Variants in RAD51B observed in about 807,000 individuals in gnomAD.
RAD51B encodes the protein RAD51 paralog B.
RAD51B carries 38 observed loss-of-function variants against 42.2 expected under a neutral mutation model. The observed-to-expected ratio is 0.90, with a 90% CI of 0.70 to 1.18. RAD51B has a LOEUF of 1.18. RAD51B is among the 50% of genes most tolerant of loss of function. The pLI, the probability that RAD51B is intolerant of heterozygous loss-of-function variation, is 0.00. For missense variants in RAD51B, 373 were observed against 400.7 expected, an observed-to-expected ratio of 0.93 and a Z score of 0.59; for synonymous variants, 154 against 145.2, an observed-to-expected ratio of 1.06 and a Z score of -0.43.
chr14:68,371,049 A>AAAG (rs2083248173), intron 8 of RAD51B, among the ~76,000 whole-genome samples: 1 of 114,700 alleles, frequency 8.7e-6, no homozygotes, highest in East Asian at 2.0e-4. Context: ...AAAAAAAAAA[A>AAAG]AAAAAAGAAA....
At chr14:67,844,625 T>TATA (rs201128222) in intron 4 of RAD51B, among the ~76,000 whole-genome samples, 1 of 137,820 alleles carries the variant, frequency 7.3e-6, no homozygotes, top group African/African-American at 3.2e-5. Context: ...TATATATATA[T>TATA]TTTTTTTATT....
At chr14:68,053,118 T>G (rs761131561) in intron 7 of RAD51B, among the ~76,000 whole-genome samples, 1 of 152,222 alleles carries the variant, frequency 6.6e-6, no homozygotes, top group Non-Finnish European at 1.5e-5. Flanking sequence ...TATCTTGATG[T>G]TTAATCGAGC....
chr14:67,997,476 A>C (rs112625515), intron 7 of RAD51B, among the ~76,000 whole-genome samples: 15 of 152,282 alleles, frequency 9.9e-5, no homozygotes, highest in African/African-American at 3.6e-4. Context: ...TCACGTCCTA[A>C]ATTATGACAG....
intron 7 of RAD51B, among the ~76,000 whole-genome samples, chr14:68,011,767 TA>T (rs1246768351): frequency 6.6e-6 from 1 of 152,120 alleles, no homozygotes; most frequent in Non-Finnish European, 1.5e-5. Flanking sequence ...TTAACAGCTG[TA>T]AATTTGCTTG....
intron 10 of RAD51B, chr14:68,563,579 C>G: frequency 1.0e-6 from 1 of 985,460 alleles, no homozygotes; most frequent in Non-Finnish European, 1.2e-6. Context: ...TGTGTGCCTT[C>G]AAGCACCTTC....
intron 1 of RAD51B, among the ~76,000 whole-genome samples, chr14:67,822,727 C>G (rs1369698943): frequency 1.2e-4 from 18 of 151,392 alleles, no homozygotes. Context: ...GTCTCGCTCT[C>G]TCTCTCTCTC....
chr14:68,263,423 G>A (rs2080926401), intron 7 of RAD51B, among the ~76,000 whole-genome samples: 1 of 152,076 alleles, frequency 6.6e-6, no homozygotes, highest in African/African-American at 2.4e-5. Context: ...AGTGCTCCCA[G>A]GACAGACAGT....
chr14:68,292,911 A>G (rs1224881268), intron 8 of RAD51B, among the ~76,000 whole-genome samples: 2 of 152,210 alleles, frequency 1.3e-5, no homozygotes, highest in East Asian at 1.9e-4. Context: ...TCAGGGATAC[A>G]TCATCATAAC....
At chr14:68,335,037 C>T (rs1191044009) in intron 8 of RAD51B, among the ~76,000 whole-genome samples, 1 of 149,642 alleles carries the variant, frequency 6.7e-6, no homozygotes, top group African/African-American at 2.4e-5. Flanking sequence ...TGGCTCATGC[C>T]TGTAATCTCA....
At chr14:68,602,827 C>T (rs1228670007) in intron 10 of RAD51B, among the ~76,000 whole-genome samples, 1 of 152,214 alleles carries the variant, frequency 6.6e-6, no homozygotes, top group African/African-American at 2.4e-5. Context: ...CAAGTCAACA[C>T]ATAACATTAC....
intron 8 of RAD51B, among the ~76,000 whole-genome samples, chr14:68,320,789 C>T (rs1456217947): frequency 6.6e-6 from 1 of 152,150 alleles, no homozygotes; most frequent in East Asian, 1.9e-4. Context: ...TCTGCTGTGG[C>T]CACAGTTGTT....
chr14:68,484,353 C>CTTTTT (rs1883439564), intron 10 of RAD51B, among the ~76,000 whole-genome samples: 1 of 115,092 alleles, frequency 8.7e-6, no homozygotes, highest in African/African-American at 3.9e-5. Context: ...TATTTTCTTT[C>CTTTTT]TTTTTCTTTT....
At chr14:68,283,608 G>A (rs1419765508) in intron 7 of RAD51B, among the ~76,000 whole-genome samples, 2 of 152,182 alleles carry the variant, frequency 1.3e-5, no homozygotes, top group Admixed American at 6.5e-5. Context: ...ACAGGATGCC[G>A]TCGGGGTTGG....
chr14:68,048,019 G>A (rs2076331042), intron 7 of RAD51B, among the ~76,000 whole-genome samples: 1 of 152,068 alleles, frequency 6.6e-6, no homozygotes, highest in South Asian at 2.1e-4. Flanking sequence ...AAAACGATAT[G>A]GAAATATTTG....
At chr14:68,580,561 A>G (rs1245622798) in intron 10 of RAD51B, among the ~76,000 whole-genome samples, 1 of 152,042 alleles carries the variant, frequency 6.6e-6, no homozygotes, top group Non-Finnish European at 1.5e-5. Context: ...CGTGGGCTTT[A>G]TTCCACCCCT....
At chr14:68,156,630 A>G (rs978138902) in intron 7 of RAD51B, among the ~76,000 whole-genome samples, 1 of 152,116 alleles carries the variant, frequency 6.6e-6, no homozygotes, top group Non-Finnish European at 1.5e-5. Context: ...ACTTCATTCT[A>G]ATGGGGTCAT....
chr14:67,825,382 A>T lies in RAD51B; in HGVS notation c.85-82A>T, dbSNP rs2040791692. 5.9e-6 allele frequency: 5 copies of T among 843,282 alleles called. No individual in the cohort carries two copies. The East Asian group carries it at 1.3e-4, about 22-fold the overall frequency. The allele number at this position is 843,282 out of a possible 1,614,324, so 52.2% of individuals were successfully genotyped here. On this transcript the variant is annotated intron_variant, in intron 2 of 10. Coordinates refer to ENST00000471583, the MANE Select transcript of RAD51B (RefSeq NM_133510.4). Reference sequence around the variant, plus strand: ...AAATTATACTTTTGTCTACATAAGCAGTATCAATTGAAGGTTTCCTTTTAA... The same window carrying T: ...AAATTATACTTTTGTCTACATAAGCTGTATCAATTGAAGGTTTCCTTTTAA...
At chr14:68,542,332 G>C (rs1888010778) in intron 10 of RAD51B, among the ~76,000 whole-genome samples, 1 of 152,008 alleles carries the variant, frequency 6.6e-6, no homozygotes, top group Non-Finnish European at 1.5e-5. Context: ...TTGTTCTAAG[G>C]GCAGTGTCAA....
rs542614999 is a variant in RAD51B at position 68,361,864 on chromosome 14, T to G, written c.854-49560T>G. ...CTAATTTTTGTATTTTTAGTAGAGA[T>G]AGGGTTTTACCATGTTAGCCAGGCT... On this transcript the variant is annotated intron_variant, in intron 8 of 10. Coordinates refer to ENST00000471583, the MANE Select transcript of RAD51B (RefSeq NM_133510.4). Among the ~76,000 whole-genome samples, 4 of 152,174 alleles carry G rather than the reference T, an allele frequency of 2.6e-5. No individual in the cohort carries two copies. The East Asian group carries it at 7.7e-4, about 29-fold the overall frequency.
Sources: gnomAD v4.1 joint callset for allele counts (sites outside exome capture counted in the v4.1 genomes callset) on GRCh38, gnomAD v4.1.1 for gene constraint, MANE v1.5 for transcripts, NCBI Gene and HGNC (gene_info 2026-07-23, HGNC 2026-07-21) for gene names.